Variants in IMPA2 observed in about 807,000 individuals in gnomAD.
The protein encoded by IMPA2 is IMP 2.
A neutral mutation model predicts 35.1 loss-of-function variants in IMPA2; 32 were observed. The observed-to-expected ratio is 0.91, with a 90% CI of 0.69 to 1.23. The LOEUF is 1.23. IMPA2 is among the 50% of genes most tolerant of loss of function. The pLI is 0.00. For missense variants in IMPA2, 334 were observed against 387.6 expected (o/e 0.86, Z 1.16); for synonymous variants, 135 against 160.6 (o/e 0.84, Z 1.20).
At chr18:12,005,674 C>T (rs1907228356) in intron 2 of IMPA2, among the ~76,000 whole-genome samples, 1 of 152,102 alleles carries the variant, frequency 6.6e-6, no homozygotes, top group African/African-American at 2.4e-5. Flanking sequence ...ACGCATCTGG[C>T]GAATGAACAG....
At chr18:12,001,871 A>C (rs1907125095) in intron 2 of IMPA2, among the ~76,000 whole-genome samples, 1 of 152,190 alleles carries the variant, frequency 6.6e-6, no homozygotes, top group South Asian at 2.1e-4. Context: ...GGGGTTCCCA[A>C]GCTCTAGCCC....
At chr18:12,016,006 A>C (rs778108398) in intron 5 of IMPA2, among the ~76,000 whole-genome samples, 9 of 152,246 alleles carry the variant, frequency 5.9e-5, no homozygotes, top group African/African-American at 9.6e-5. Flanking sequence ...GGCTTTGTCC[A>C]GGGCCCCTTT....
At chr18:11,989,415 A>G (rs182604632) in intron 1 of IMPA2, among the ~76,000 whole-genome samples, 1 of 152,168 alleles carries the variant, frequency 6.6e-6, no homozygotes, top group African/African-American at 2.4e-5. Context: ...GGGTCAGCCT[A>G]CGTGAGAAAT....
rs1598688372 is a variant in IMPA2, at chr18:11,997,352, G to A, written c.97-1702G>A. ...CCTGGCCAGAGGCAGGGCCTGGGCAGTGGGAGCTGGAGGCTGTCATAGGAA... is the reference window on the plus strand; with the variant it reads ...CCTGGCCAGAGGCAGGGCCTGGGCAATGGGAGCTGGAGGCTGTCATAGGAA... On this transcript the variant is annotated intron_variant, in intron 1 of 7. Transcript: ENST00000269159. Among the ~76,000 whole-genome samples, 5 of 152,366 alleles carry A rather than the reference G, an allele frequency of 3.3e-5. No individual in the cohort carries two copies. In the South Asian group the frequency reaches 1.0e-3, roughly 32 times the overall value.
At chr18:11,988,001 CTTTTTTT>C (rs71172043) in intron 1 of IMPA2, among the ~76,000 whole-genome samples, 207 of 101,878 alleles carry the variant, frequency 2.0e-3, no homozygotes, top group Middle Eastern at 0.012. Flanking sequence ...TGTTTATTGG[CTTTTTTT>C]TTTTTTTTTT....
intron 1 of IMPA2, among the ~76,000 whole-genome samples, chr18:11,985,355 TG>T (rs1568025155): frequency 6.6e-6 from 1 of 152,204 alleles, no homozygotes; most frequent in Non-Finnish European, 1.5e-5. Context: ...GGTTTCATAC[TG>T]TTTGCATCTT....
At chr18:12,026,597 T>C (rs1006955016) in intron 5 of IMPA2, among the ~76,000 whole-genome samples, 1 of 152,174 alleles carries the variant, frequency 6.6e-6, no homozygotes, top group African/African-American at 2.4e-5. Context: ...GGTCTGCTGA[T>C]GTCTCTTTCT....
intron 5 of IMPA2, among the ~76,000 whole-genome samples, chr18:12,024,883 G>A (rs535343310): frequency 6.6e-5 from 10 of 152,152 alleles, no homozygotes; most frequent in South Asian, 2.1e-4. Context: ...TCAGCATCGC[G>A]TACAGAATGG....
chr18:12,007,590 TTC>T (rs1165462104), intron 2 of IMPA2, among the ~76,000 whole-genome samples: 2 of 132,326 alleles, frequency 1.5e-5, no homozygotes, highest in East Asian at 4.1e-4. Flanking sequence ...TTCTTTTCTT[TTC>T]TTTCTTTCTT....
intron 5 of IMPA2, among the ~76,000 whole-genome samples, chr18:12,021,365 G>A (rs796462336): frequency 3.3e-5 from 5 of 151,762 alleles, no homozygotes; most frequent in African/African-American, 1.2e-4. Context: ...CTCTAGCCTG[G>A]GAAACAGAGC....
chr18:12,008,780 T>G (rs746229773), intron 2 of IMPA2, among the ~76,000 whole-genome samples: 6 of 152,248 alleles, frequency 3.9e-5, no homozygotes, highest in African/African-American at 1.4e-4. Context: ...AGGAGTTCCC[T>G]TCTGTGCAGG....
chr18:12,029,430 CT>C (rs373879139), intron 7 of IMPA2, among the ~76,000 whole-genome samples: 1,847 of 140,780 alleles, frequency 0.013, 30 homozygotes, highest in African/African-American at 0.043. Flanking sequence ...CACATTTTTT[CT>C]TTTTTTTTTG....
At chr18:12,012,134 G>A (rs769642583) in intron 3 of IMPA2, 36 bp from the exon 4 acceptor site, 13 of 1,610,050 alleles carry the variant, frequency 8.1e-6, no homozygotes, top group African/African-American at 1.3e-5. Flanking sequence ...TGCCGCTCTT[G>A]TTCCAGAGAG....
intron 5 of IMPA2, among the ~76,000 whole-genome samples, chr18:12,015,759 G>A (rs1360675627): frequency 6.6e-6 from 1 of 152,246 alleles, no homozygotes; most frequent in Non-Finnish European, 1.5e-5. Flanking sequence ...TTTAATTACA[G>A]CTGTGCGTGC....
intron 5 of IMPA2, among the ~76,000 whole-genome samples, chr18:12,015,888 A>T (rs541277396): frequency 6.6e-6 from 1 of 152,238 alleles, no homozygotes; most frequent in South Asian, 2.1e-4. Context: ...CTCTATTAAC[A>T]TGCTCTTGGC....
rs769940572 is a variant in IMPA2, at chr18:12,028,021, C to T, written c.491-22C>T. 1.6e-5 allele frequency: 25 copies of T among 1,538,830 alleles called. No homozygotes were observed. In the Admixed American group the frequency reaches 4.2e-4, roughly 26 times the overall value. On this transcript the variant is annotated intron_variant, in intron 5 of 7. Transcript: ENST00000269159. ...AACCAAGACTTGATTTTTCTGGTGA[C>T]AGGAAATTCTTTTTATTGCAGATCT...
At chr18:12,017,753 T>A in intron 5 of IMPA2, 1 of 331,212 alleles carries the variant, frequency 3.0e-6, no homozygotes, top group Non-Finnish European at 5.9e-6. Context: ...CACATCTGGC[T>A]AATTTTTTTG....
intron 7 of IMPA2, 87 bp downstream of exon 7, chr18:12,029,080 T>A: frequency 9.2e-7 from 1 of 1,084,122 alleles, no homozygotes; most frequent in Non-Finnish European, 1.3e-6. Flanking sequence ...CCCCACCAAC[T>A]GAATTTCCCA....
At chr18:11,997,677 T>C (rs989318268) in intron 1 of IMPA2, among the ~76,000 whole-genome samples, 1 of 152,190 alleles carries the variant, frequency 6.6e-6, no homozygotes, top group Non-Finnish European at 1.5e-5. Context: ...GGGCCTGGCA[T>C]GAGCGGGTCC....
Sources: gnomAD v4.1 joint callset for allele counts (sites outside exome capture counted in the v4.1 genomes callset) on GRCh38, gnomAD v4.1.1 for gene constraint, MANE v1.5 for transcripts, NCBI Gene and HGNC (gene_info 2026-07-23, HGNC 2026-07-21) for gene names.